MAST2: variants seen among roughly 807,000 people sequenced by gnomAD.
MAST2 encodes microtubule associated serine/threonine kinase 2.
Under a neutral mutation model 147.4 loss-of-function variants are expected in MAST2, and 70 were observed. The observed-to-expected ratio is 0.47, with a 90% confidence interval of 0.39 to 0.58. The LOEUF (loss-of-function observed/expected upper bound fraction) is 0.58. MAST2 is among the 20% of genes least tolerant of loss of function. The probability of loss-of-function intolerance (pLI) is 0.00; values close to 1 mark genes in which losing one functional copy is unlikely to be tolerated. For synonymous variants in MAST2, 869 were observed against 896.8 expected, an observed-to-expected ratio of 0.97 and a Z score of 0.55; for missense variants, 2,080 against 2,302.3, an observed-to-expected ratio of 0.90 and a Z score of 1.98.
At chr1:45,824,130 CATAA>C (rs1159888907) in intron 1 of MAST2, among the ~76,000 whole-genome samples, 1 of 152,032 alleles carries the variant, frequency 6.6e-6, no homozygotes, top group Non-Finnish European at 1.5e-5. Context: ...AAAGGATAAA[CATAA>C]ATAAACTTAA....
chr1:45,878,763 G>A (rs968534168), intron 3 of MAST2, among the ~76,000 whole-genome samples: 2 of 151,932 alleles, frequency 1.3e-5, no homozygotes, highest in African/African-American at 4.8e-5. Context: ...ATCTACTTAG[G>A]GATGAGCTTA....
In MAST2 at chr1:46,027,737, A is replaced by G; in HGVS notation, c.1926A>G (p.Leu642=). ...TATTTCTTCGTTCTTCCAGCCTCCT[A>G]ATTACATCCATGGGGCACATCAAGC... is the stretch of plus-strand genomic sequence containing the variant. ...VHRDLKPDNL[L]ITSMGHIKLT... The change falls in exon 17 of 29, where the codon CTA becomes CTG. Residue 642 remains leucine, a synonymous_variant. Transcript: ENST00000361297. The G allele has an allele frequency of 1.9e-6, 3 of 1,608,520 alleles. No individual in the cohort carries two copies. The highest frequency in any genetic ancestry group is 1.7e-6 in the Non-Finnish European group (2 of 1,178,342).
At chr1:45,865,639 A>G (rs751232773) in intron 3 of MAST2, among the ~76,000 whole-genome samples, 3 of 152,082 alleles carry the variant, frequency 2.0e-5, no homozygotes, top group Non-Finnish European at 2.9e-5. Context: ...CTGTCTGTCT[A>G]CCTACCTACC....
rs771434638 is a variant in MAST2 at position 46,030,116 on chromosome 1, A to G, written c.2444-13A>G. On this transcript the variant is annotated splice_polypyrimidine_tract_variant and intron_variant, in intron 20 of 28. Transcript: ENST00000361297. ...AGGGCTCTGAAGGAAAGTGTCCTTTATGTCTGGCCCAGCCCGCTCAGAGCG... is the reference window on the plus strand; with the variant it reads ...AGGGCTCTGAAGGAAAGTGTCCTTTGTGTCTGGCCCAGCCCGCTCAGAGCG... 4 of 1,613,588 alleles carry G rather than the reference A, an allele frequency of 2.5e-6. No homozygotes were observed. In the Admixed American group the frequency reaches 5.0e-5, roughly 20 times the overall value.
chr1:45,940,027 A>G (rs1309712996), intron 4 of MAST2, among the ~76,000 whole-genome samples: 1 of 100,332 alleles, frequency 1.0e-5, no homozygotes, highest in Non-Finnish European at 1.8e-5. Flanking sequence ...TCTTTTGCCC[A>G]GGCTGGAGTG....
intron 1 of MAST2, among the ~76,000 whole-genome samples, chr1:45,809,756 A>G (rs1371323319): frequency 1.3e-5 from 2 of 152,236 alleles, no homozygotes; most frequent in Non-Finnish European, 2.9e-5. Context: ...GGCTTCAGGA[A>G]ATCTGTGAAT....
At chr1:45,947,748 G>T (rs1018616801) in intron 4 of MAST2, among the ~76,000 whole-genome samples, 2 of 152,144 alleles carry the variant, frequency 1.3e-5, no homozygotes, top group Non-Finnish European at 2.9e-5. Context: ...ACGGAGTCTC[G>T]CTCTGTCGCC....
chr1:45,883,211 A>G (rs1254575652), intron 4 of MAST2, among the ~76,000 whole-genome samples: 1 of 152,230 alleles, frequency 6.6e-6, no homozygotes, highest in Non-Finnish European at 1.5e-5. Flanking sequence ...AAGAGATGTA[A>G]TTAAGGAGGA....
intron 3 of MAST2, among the ~76,000 whole-genome samples, chr1:45,843,036 G>C (rs939111209): frequency 1.3e-5 from 2 of 152,062 alleles, no homozygotes; most frequent in Non-Finnish European, 2.9e-5. Flanking sequence ...GTTCTGTAAT[G>C]ACTAATGATG....
chr1:46,002,662 C>A, intron 6 of MAST2, 143 bp from the exon 7 acceptor site: 1 of 669,206 alleles, frequency 1.5e-6, no homozygotes, highest in Non-Finnish European at 2.7e-6. Context: ...GATATAAAAG[C>A]ATGTACTGGA....
In MAST2 at chr1:46,025,660, G is replaced by T; in HGVS notation, c.1781-17G>T. 1 of 1,613,894 alleles carries T rather than the reference G, an allele frequency of 6.2e-7. No individual in the cohort carries two copies. ...GGAACTGAATCCTTTCCTCATGGTA[G>T]CCTGGGCTTGTTGCAGGGGGAGACT... On this transcript the variant is annotated splice_polypyrimidine_tract_variant and intron_variant, in intron 15 of 28. Transcript: ENST00000361297.
chr1:46,029,411 A>G, intron 18 of MAST2, 55 bp from the exon 19 acceptor site: 1 of 1,443,406 alleles, frequency 6.9e-7, no homozygotes, highest in South Asian at 1.2e-5. Flanking sequence ...CCTCTTCTGC[A>G]TCTCTCCACT....
intron 4 of MAST2, among the ~76,000 whole-genome samples, chr1:45,899,347 C>T (rs1649354718): frequency 8.7e-6 from 1 of 114,860 alleles, no homozygotes; most frequent in Admixed American, 1.2e-4. Context: ...GGTACATGTG[C>T]AGGATTGTTA....
chr1:45,939,980 G>GTTTTT lies in MAST2; in HGVS notation c.501-19389_501-19385dup, dbSNP rs1174123217. ...AACGGAAGTTCTCTATTTATTTAGG[G>GTTTTT]TTTTTTTTTTTTTTTTTTTTTGAGA... On this transcript the variant is annotated intron_variant, in intron 4 of 28. Coordinates refer to ENST00000361297, the MANE Select transcript of MAST2 (RefSeq NM_015112.3). 1.6e-3 allele frequency among the ~76,000 whole-genome samples: 153 copies of GTTTTT among 97,290 alleles called. 17 individuals carry two copies. Among genetic ancestry groups the GTTTTT allele is most frequent in the Middle Eastern group, 6.6e-3 (1 of 152 alleles). 63.8% of individuals were successfully genotyped at this position (97,290 alleles called of 152,430 possible). A position where few individuals can be genotyped will look rare whatever the true frequency, so the allele number is the denominator to read the frequency against.
chr1:45,988,908 A>G (rs141312627), intron 5 of MAST2, among the ~76,000 whole-genome samples: 25 of 152,128 alleles, frequency 1.6e-4, no homozygotes, highest in African/African-American at 5.3e-4. Context: ...CTCATGTTGT[A>G]TATTTCTGAC....
At chr1:45,953,005 G>A (rs1659152666) in intron 4 of MAST2, among the ~76,000 whole-genome samples, 2 of 152,116 alleles carry the variant, frequency 1.3e-5, no homozygotes, top group South Asian at 4.1e-4. Context: ...AGATAGACCT[G>A]AAATAATAGA....
Position 45,945,312 on chromosome 1 carries a change from G to A in MAST2, c.501-14074G>A, listed in dbSNP as rs529382566. On this transcript the variant is annotated intron_variant, in intron 4 of 28. Coordinates refer to ENST00000361297, the MANE Select transcript of MAST2 (RefSeq NM_015112.3). ...TGAAACCCTATCTCAAAAAGACTGT[G>A]TTTTCTGATCATGGCATGTGACAAA... 4.6e-5 allele frequency among the ~76,000 whole-genome samples: 7 copies of A among 152,064 alleles called. No homozygotes were observed. The South Asian group carries it at 1.0e-3, about 23-fold the overall frequency.
intron 4 of MAST2, among the ~76,000 whole-genome samples, chr1:45,905,706 G>A (rs567424566): frequency 1.3e-5 from 2 of 151,910 alleles, no homozygotes; most frequent in Non-Finnish European, 2.9e-5. Flanking sequence ...AACCCAGGAG[G>A]CGGAGCTTGC....
Position 46,020,489 on chromosome 1 carries a change from AG to A in MAST2, c.1290+794del, listed in dbSNP as rs145709916. Among the ~76,000 whole-genome samples, 1,092 of 152,320 alleles carry A rather than the reference AG, an allele frequency of 7.2e-3. 16 individuals are homozygous for A. The highest frequency in any genetic ancestry group is 0.025 in the African/African-American group (1,031 of 41,558). The stretch of plus-strand genomic sequence containing the variant: ...GCCACTTGGAGACACCAGAAAGTTT[AG>A]GTAAGAATGTGACATGGCCGCATTT... On this transcript the variant is annotated intron_variant, in intron 11 of 28. Transcript: ENST00000361297.
Sources: allele counts gnomAD v4.1 joint callset (sites outside exome capture counted in the v4.1 genomes callset), GRCh38; gene constraint gnomAD v4.1.1; transcripts MANE v1.5; gene names NCBI Gene and HGNC (gene_info 2026-07-23, HGNC 2026-07-21).